The following FGB variants were observed in gnomAD, a reference collection of about 807,000 sequenced individuals.
FGB encodes fibrinogen beta chain.
Under a neutral mutation model 57.9 loss-of-function variants are expected in FGB, and 25 were observed. The observed-to-expected ratio is 0.43, with a 90% confidence interval of 0.31 to 0.60. FGB has a LOEUF of 0.60. Ranked by LOEUF, FGB falls within the 20% of genes least tolerant of loss-of-function variation. The pLI is 0.08. For missense variants in FGB, 536 were observed against 598.4 expected (o/e 0.90, Z 1.09); for synonymous variants, 203 against 199.2 (o/e 1.02, Z -0.16).
In FGB at chr4:154,568,378, C is replaced by T. The variant is rs112339424; in HGVS notation, c.719-3C>T. The T allele has an allele frequency of 6.8e-7, 1 of 1,480,194 alleles. No individual in the cohort carries two copies. The highest frequency in any genetic ancestry group is 9.5e-7 in the Non-Finnish European group (1 of 1,057,954). The allele number at this position is 1,480,194 out of a possible 1,614,324, so 91.7% of individuals were successfully genotyped here. A position where few individuals can be genotyped will look rare whatever the true frequency, so the allele number is the denominator to read the frequency against. On this transcript the variant is annotated splice_polypyrimidine_tract_variant and splice_region_variant and intron_variant, in intron 4 of 7. Coordinates refer to ENST00000302068, the MANE Select transcript of FGB (RefSeq NM_005141.5). ...TGAACATAATGTTGTCTTACATTTG[C>T]AGAATGTGAGGAAATTATCAGGAAA...
intron 2 of FGB, 96 bp downstream of exon 2, chr4:154,566,095 C>A (rs1001922984): frequency 2.0e-6 from 2 of 1,007,890 alleles, no homozygotes; most frequent in African/African-American, 1.6e-5. Flanking sequence ...CCCACATTAC[C>A]ATCACTGTTA....
Position 154,565,342 on chromosome 4 carries a change from T to A in FGB, c.115-466T>A, listed in dbSNP as rs185752885. On this transcript the variant is annotated intron_variant, in intron 1 of 7. Transcript: ENST00000302068. ...ATAAATTCCAAGTAGAATCAACCTTTAATAAGTCTTTAATGTCTCTTAAAT... is the reference window on the plus strand; with the variant it reads ...ATAAATTCCAAGTAGAATCAACCTTAAATAAGTCTTTAATGTCTCTTAAAT... 2.6e-5 allele frequency: 8 copies of A among 303,574 alleles called. No individual in the cohort carries two copies. In the East Asian group the frequency reaches 4.1e-4, roughly 16 times the overall value. 18.8% of individuals were successfully genotyped at this position (303,574 alleles called of 1,614,324 possible).
At chr4:154,565,615 T>C in intron 1 of FGB, 193 bp from the exon 2 acceptor site, 3 of 604,734 alleles carry the variant, frequency 5.0e-6, no homozygotes, top group Non-Finnish European at 8.9e-6. Flanking sequence ...AGCTTTTTTG[T>C]GCAGTTGGTC....
chr4:154,569,074 C>T (rs930486290), intron 5 of FGB, 108 bp from the exon 6 acceptor site: 1 of 1,233,092 alleles, frequency 8.1e-7, no homozygotes, highest in Non-Finnish European at 1.2e-6. Context: ...TATTTTAGAG[C>T]ACCAAATATA....
At position 154,569,809 on chromosome 4, in the gene FGB, G is replaced by A. The variant is rs762665049; in HGVS notation, c.1244+10G>A. 24 of 1,613,852 alleles carry A rather than the reference G, an allele frequency of 1.5e-5. No homozygotes were observed. The highest frequency in any genetic ancestry group is 1.9e-5 in the Non-Finnish European group (23 of 1,179,874). ...GAGACAATGACGGCTGGTATGTGTG[G>A]CACTCTTTGCTCCTGCTTTAAAAAT... On this transcript the variant is annotated intron_variant, in intron 7 of 7. Coordinates refer to ENST00000302068, the MANE Select transcript of FGB (RefSeq NM_005141.5).
intron 4 of FGB, 124 bp downstream of exon 4, chr4:154,567,944 G>A: frequency 1.3e-6 from 1 of 790,966 alleles, no homozygotes; most frequent in Admixed American, 1.9e-5. Context: ...TGACATTACA[G>A]TACATCATAA....
At chr4:154,563,898 G>A (rs1170732966) in intron 1 of FGB, among the ~76,000 whole-genome samples, 1 of 151,884 alleles carries the variant, frequency 6.6e-6, no homozygotes, top group Non-Finnish European at 1.5e-5. Flanking sequence ...ATATAGCATA[G>A]TATCATTAAA....
rs1440712892 is a variant in FGB at position 154,569,177 on chromosome 4, C to A, written c.833-5C>A. 5 of 1,613,984 alleles carry A rather than the reference C, an allele frequency of 3.1e-6. No homozygotes were observed. The highest frequency in any genetic ancestry group is 1.1e-5 in the South Asian group (1 of 91,064). On this transcript the variant is annotated splice_polypyrimidine_tract_variant and splice_region_variant and intron_variant, in intron 5 of 7. Coordinates refer to ENST00000302068, the MANE Select transcript of FGB (RefSeq NM_005141.5). ...ATATGCTCTTTTTGTTTCTGTCAAC[C>A]AAAGGATGGACAGTGATTCAGAACC...
At chr4:154,569,820 T>G in intron 7 of FGB, 21 bp downstream of exon 7, 1 of 1,613,816 alleles carries the variant, frequency 6.2e-7, no homozygotes, top group Non-Finnish European at 8.5e-7. Flanking sequence ...CACTCTTTGC[T>G]CCTGCTTTAA....
intron 1 of FGB, among the ~76,000 whole-genome samples, chr4:154,564,187 T>C (rs1241426688): frequency 6.6e-6 from 1 of 152,058 alleles, no homozygotes; most frequent in Non-Finnish European, 1.5e-5. Flanking sequence ...ACAGAGATAG[T>C]TTAATAGTTT....
chr4:154,571,011 ATATT>A lies in FGB; in HGVS notation c.*369_*372del. On this transcript the variant is annotated 3_prime_UTR_variant, in exon 8 of 8. Coordinates refer to ENST00000302068, the MANE Select transcript of FGB (RefSeq NM_005141.5). ...TGTTTAAAAGTCCACTTTTAAAACTATATTTATTTATGTAGGATCTGTCAAAGAA... is the reference window on the plus strand; with the variant it reads ...TGTTTAAAAGTCCACTTTTAAAACTATATTTATGTAGGATCTGTCAAAGAA... 9.1e-6 allele frequency: 3 copies of A among 330,912 alleles called. No individual in the cohort carries two copies. Among genetic ancestry groups the A allele is most frequent in the Non-Finnish European group, 1.7e-5 (3 of 173,002 alleles). 20.5% of individuals were successfully genotyped at this position (330,912 alleles called of 1,614,324 possible). A position where few individuals can be genotyped will look rare whatever the true frequency, so the allele number is the denominator to read the frequency against.
intron 6 of FGB, 73 bp from the exon 7 acceptor site, chr4:154,569,441 T>C (rs1181749431): frequency 1.9e-6 from 3 of 1,586,332 alleles, no homozygotes; most frequent in Non-Finnish European, 2.6e-6. Flanking sequence ...AAGCTAAAGA[T>C]AAGGGAAGAA....
At position 154,566,509 on chromosome 4, in the gene FGB, A is replaced by T. The variant is rs750008000; in HGVS notation, c.327A>T (p.Gly109=). 6 of 1,614,108 alleles carry T rather than the reference A, an allele frequency of 3.7e-6. No individual in the cohort carries two copies. Among genetic ancestry groups the T allele is most frequent in the Admixed American group, 1.7e-5 (1 of 60,010 alleles). Residue 109 remains glycine (G), a synonymous_variant, in exon 3 of 8, where the codon GGA becomes GGT. Coordinates refer to ENST00000302068, the MANE Select transcript of FGB (RefSeq NM_005141.5). ...DPDLGVLCPT[G]CQLQEALLQQ... ...TTTAGGGGGTGTTGTGTCCTACAGGATGTCAGTTGCAAGAGGCTTTGCTAC... is the reference window on the plus strand; with the variant it reads ...TTTAGGGGGTGTTGTGTCCTACAGGTTGTCAGTTGCAAGAGGCTTTGCTAC...
At chr4:154,570,187 T>A (rs1730360014) in intron 7 of FGB, among the ~76,000 whole-genome samples, 1 of 152,206 alleles carries the variant, frequency 6.6e-6, no homozygotes, top group Non-Finnish European at 1.5e-5. Flanking sequence ...ATTATTCCAG[T>A]ATAAAGTAAC....
chr4:154,570,382 T>C (rs757446859), intron 7 of FGB, 37 bp from the exon 8 acceptor site: 3 of 1,531,264 alleles, frequency 2.0e-6, no homozygotes, highest in Non-Finnish European at 2.7e-6. Flanking sequence ...ACCACCGTAG[T>C]TCTGTTTCTA....
rs1231024274 is a variant in FGB at position 154,570,603 on chromosome 4, A to G, written c.1429A>G (p.Met477Val). Reference sequence around the variant, plus strand: ...GAATTGGAAGGGGTCATGGTACTCAATGAGGAAGATGAGTATGAAGATCAG... The same window carrying G: ...GAATTGGAAGGGGTCATGGTACTCAGTGAGGAAGATGAGTATGAAGATCAG... ...WMNWKGSWYSMRKMSMKIRPF... is the reference protein window; with the variant it reads ...WMNWKGSWYSVRKMSMKIRPF... Residue 477 changes from methionine to valine, a missense_variant, in exon 8 of 8, where the codon ATG becomes GTG. Physicochemically the swap from Met to Val is conservative, Grantham distance 21. This residue lies in a region of FGB where 177 missense variants were observed against 193.7 expected (regional missense o/e 0.91). Coordinates refer to ENST00000302068, the MANE Select transcript of FGB (RefSeq NM_005141.5). 7.4e-6 allele frequency: 12 copies of G among 1,613,970 alleles called. No individual in the cohort carries two copies. Among genetic ancestry groups the G allele is most frequent in the Admixed American group, 5.0e-5 (3 of 59,986 alleles).
chr4:154,564,981 T>C lies in FGB; in HGVS notation c.115-827T>C, dbSNP rs77914759. On this transcript the variant is annotated intron_variant, in intron 1 of 7. Transcript: ENST00000302068. ...ATAATGGTTTAACAAATAATTTTGT[T>C]GATAGAAGATAAGACTAAAAGTGAA... 9.1e-3 allele frequency among the ~76,000 whole-genome samples: 1,393 copies of C among 152,286 alleles called. 10 individuals carry two copies. The highest frequency in any genetic ancestry group is 0.013 in the Non-Finnish European group (870 of 68,012).
chr4:154,566,212 A>T (rs1730153406), intron 2 of FGB, among the ~76,000 whole-genome samples: 1 of 152,226 alleles, frequency 6.6e-6, no homozygotes, highest in Non-Finnish European at 1.5e-5. Context: ...ATTTCAAATT[A>T]GGATATGTGG....
chr4:154,567,855 C>A, intron 4 of FGB, 35 bp downstream of exon 4: 1 of 1,432,658 alleles, frequency 7.0e-7, no homozygotes, highest in Non-Finnish European at 9.8e-7. Context: ...TAGAGAGTTC[C>A]AGAAGAACTC....
Sources: gnomAD v4.1 joint callset for allele counts (sites outside exome capture counted in the v4.1 genomes callset) on GRCh38, gnomAD v4.1.1 for gene constraint, gnomAD v4.1.1 regional missense constraint, MANE v1.5 for transcripts, NCBI Gene and HGNC (gene_info 2026-07-23, HGNC 2026-07-21) for gene names.